The following ZNF516 variants were observed in gnomAD, a reference collection of about 807,000 sequenced individuals.
ZNF516 encodes the protein zinc finger protein 516.
ZNF516 carries 19 observed loss-of-function variants against 79.7 expected under a neutral mutation model. That is an observed-to-expected ratio of 0.24 (90% CI 0.17 to 0.35). The LOEUF (loss-of-function observed/expected upper bound fraction) is 0.35, where lower values mean the gene tolerates loss of function less well. ZNF516 is among the 10% of genes least tolerant of loss of function. ZNF516 has a pLI of 1.00. For missense variants in ZNF516, 1,678 were observed against 1,679.5 expected (o/e 1.00, Z 0.02); for synonymous variants, 877 against 739.5 (o/e 1.19, Z -3.02).
intron 2 of ZNF516, among the ~76,000 whole-genome samples, chr18:76,460,690 T>A (rs1230927519): frequency 1.3e-5 from 2 of 152,100 alleles, no homozygotes; most frequent in Non-Finnish European, 2.9e-5. Context: ...CTGCTTCTGT[T>A]CAGGGCTAGA....
chr18:76,479,295 C>T (rs751681183), intron 1 of ZNF516, among the ~76,000 whole-genome samples: 2 of 152,226 alleles, frequency 1.3e-5, no homozygotes, highest in Non-Finnish European at 1.5e-5. Flanking sequence ...TCCCTGTGAA[C>T]ACGGGCCACA....
rs775042032 is a variant in ZNF516 at position 76,380,146 on chromosome 18, A to C, written c.1968T>G (p.Ser656Arg). The change falls in exon 4 of 7, where the codon AGT (serine) becomes AGG (arginine). Residue 656 changes from serine to arginine, a missense_variant. Transcript: ENST00000443185. ...IAASVSILEN[S>R]SRETSRRQEQ... ...CTTGCCTTCTAGAAGTCTCTCTGCT[A>C]CTGTTTTCAAGTATGGACACAGAAG... 3.1e-5 allele frequency: 50 copies of C among 1,613,746 alleles called. No individual in the cohort carries two copies. Among genetic ancestry groups the C allele is most frequent in the Non-Finnish European group, 4.1e-5 (48 of 1,179,840 alleles).
Position 76,379,912 on chromosome 18 carries a change from A to G in ZNF516, c.2202T>C (p.Asp734=). The G allele has an allele frequency of 6.2e-7, 1 of 1,613,886 alleles. No homozygotes were observed. The highest frequency in any genetic ancestry group is 8.5e-7 in the Non-Finnish European group (1 of 1,179,872). Reference sequence around the variant, plus strand: ...CATCCCGCGTCGACCTCGCACTTAAATCTAGCGGCATGAGGTCTGGGGCCA... The same window carrying G: ...CATCCCGCGTCGACCTCGCACTTAAGTCTAGCGGCATGAGGTCTGGGGCCA... ...RALAPDLMPL[D]LSARSTRDDP... is the part of the protein sequence containing the mutation. Residue 734 remains aspartate (D), a synonymous_variant, in exon 4 of 7, where the codon GAT becomes GAC. Transcript: ENST00000443185.
intron 3 of ZNF516, among the ~76,000 whole-genome samples, chr18:76,384,782 A>C (rs76317174): frequency 0.13 from 20,180 of 151,914 alleles, 1,583 homozygotes; most frequent in Non-Finnish European, 0.19. Flanking sequence ...CTGCAAGAAA[A>C]AGCACTTCTG....
In ZNF516 at chr18:76,492,829, G is replaced by C. The variant is rs1036036418; in HGVS notation, c.-272+2315C>G. On this transcript the variant is annotated intron_variant, in intron 1 of 6. Coordinates refer to ENST00000443185, the MANE Select transcript of ZNF516 (RefSeq NM_014643.4). The stretch of plus-strand genomic sequence containing the variant: ...ACGTTCGGAGGGGGAGGCGCTCCGT[G>C]GGGGCTGCTGCGTGCCCATGTAGCC... 4 of 985,838 alleles carry C rather than the reference G, an allele frequency of 4.1e-6. No individual in the cohort carries two copies. The African/African-American group carries it at 7.0e-5, about 17-fold the overall frequency. The allele number at this position is 985,838 out of a possible 1,614,324, so 61.1% of individuals were successfully genotyped here.
chr18:76,473,657 C>T (rs556048545), intron 1 of ZNF516, among the ~76,000 whole-genome samples: 56 of 151,948 alleles, frequency 3.7e-4, no homozygotes, highest in African/African-American at 1.3e-3. Context: ...AAAAATTATC[C>T]AGGCTTGGTG....
chr18:76,485,461 A>G (rs1914773780), intron 1 of ZNF516, among the ~76,000 whole-genome samples: 2 of 152,242 alleles, frequency 1.3e-5, no homozygotes, highest in African/African-American at 4.8e-5. Flanking sequence ...TTCAGTCCAC[A>G]TATGCCTTGC....
In ZNF516 at chr18:76,360,972, T is replaced by A. The variant is rs1179477851; in HGVS notation, c.*1526A>T. 6.6e-6 allele frequency: 1 copy of A among 151,936 alleles called. No individual in the cohort carries two copies. The highest frequency in any genetic ancestry group is 1.5e-5 in the Non-Finnish European group (1 of 68,018). 9.4% of individuals were successfully genotyped at this position (151,936 alleles called of 1,614,324 possible). A position where few individuals can be genotyped will look rare whatever the true frequency, so the allele number is the denominator to read the frequency against. On this transcript the variant is annotated 3_prime_UTR_variant, in exon 7 of 7. Coordinates refer to ENST00000443185, the MANE Select transcript of ZNF516 (RefSeq NM_014643.4). ...TGCACTAGTCCATTACCGTATTAAGTAAACTGTTGCTCTCGCCAGTATTAA... is the reference window on the plus strand; with the variant it reads ...TGCACTAGTCCATTACCGTATTAAGAAAACTGTTGCTCTCGCCAGTATTAA...
chr18:76,487,907 G>A (rs565902092), intron 1 of ZNF516: 80 of 983,112 alleles, frequency 8.1e-5, no homozygotes, highest in Non-Finnish European at 9.1e-5. Flanking sequence ...GACTGAGGAT[G>A]AGAGCCCCCA....
intron 1 of ZNF516, among the ~76,000 whole-genome samples, chr18:76,468,906 A>T (rs891067283): frequency 5.9e-5 from 9 of 151,774 alleles, no homozygotes; most frequent in African/African-American, 2.2e-4. Flanking sequence ...TTTATTTATC[A>T]CTCCATTGTA....
chr18:76,493,013 CG>C lies in ZNF516; in HGVS notation c.-272+2130del. On this transcript the variant is annotated intron_variant, in intron 1 of 6. Coordinates refer to ENST00000443185, the MANE Select transcript of ZNF516 (RefSeq NM_014643.4). The surrounding 1 kb of genome is among the most constrained non-coding windows in gnomAD (Gnocchi z 5.2). ...TCACACACACACCCCAAATTACCTC[CG>C]GGATGGAGAAAGCCGCTGCGGATTG... The C allele has an allele frequency of 1.0e-6, 1 of 985,500 alleles. No homozygotes were observed. The highest frequency in any genetic ancestry group is 1.2e-6 in the Non-Finnish European group (1 of 829,986). The allele number at this position is 985,500 out of a possible 1,614,324, so 61.0% of individuals were successfully genotyped here. A position where few individuals can be genotyped will look rare whatever the true frequency, so the allele number is the denominator to read the frequency against.
intron 5 of ZNF516, among the ~76,000 whole-genome samples, chr18:76,370,864 T>C (rs2074692401): frequency 6.6e-6 from 1 of 152,212 alleles, no homozygotes; most frequent in South Asian, 2.1e-4. Context: ...GGGACCCTCT[T>C]CTTGCATTAC....
rs1912380815 is a variant in ZNF516 at position 76,451,063 on chromosome 18, G to A, written c.-157-7852C>T. The stretch of plus-strand genomic sequence containing the variant: ...AAGCTGACTGGGAGACACCAGGGAG[G>A]AACAAAGGAGCGAGAGGAAAACTGA... On this transcript the variant is annotated intron_variant, in intron 2 of 6. Transcript: ENST00000443185. This position sits in a 1 kb window ranked among gnomAD's most constrained non-coding sequence, Gnocchi z 6.0. 6.6e-6 allele frequency among the ~76,000 whole-genome samples: 1 copy of A among 152,160 alleles called. No homozygotes were observed. Among genetic ancestry groups the A allele is most frequent in the African/African-American group, 2.4e-5 (1 of 41,432 alleles).
chr18:76,468,265 T>C (rs1044182886), intron 1 of ZNF516, among the ~76,000 whole-genome samples: 2 of 152,216 alleles, frequency 1.3e-5, no homozygotes, highest in African/African-American at 4.8e-5. Context: ...CGTGCTCTTT[T>C]AGTAAGAAAA....
intron 1 of ZNF516, chr18:76,488,330 G>A (rs1914952591): frequency 2.2e-6 from 2 of 894,958 alleles, no homozygotes; most frequent in Admixed American, 1.2e-4. Context: ...CCAATTCGCA[G>A]GCAGCCAGGA....
In ZNF516 at chr18:76,361,089, A is replaced by C. The variant is rs1174135484; in HGVS notation, c.*1409T>G. On this transcript the variant is annotated 3_prime_UTR_variant, in exon 7 of 7. Transcript: ENST00000443185. ...TTTAATCCATTTCCTGCCTTTACAA[A>C]ATTTCACAATTAAAAAAAAACCTAG... 3 of 152,094 alleles carry C rather than the reference A, an allele frequency of 2.0e-5. No individual in the cohort carries two copies. Among genetic ancestry groups the C allele is most frequent in the Admixed American group, 2.0e-4 (3 of 15,280 alleles). The allele number at this position is 152,094 out of a possible 1,614,324, so 9.4% of individuals were successfully genotyped here. A position where few individuals can be genotyped will look rare whatever the true frequency, so the allele number is the denominator to read the frequency against.
intron 3 of ZNF516, among the ~76,000 whole-genome samples, chr18:76,416,857 T>A (rs1390182984): frequency 6.6e-6 from 1 of 152,174 alleles, no homozygotes; most frequent in African/African-American, 2.4e-5. Context: ...ATTTCTCCAT[T>A]GTCCCTCCTC....
At chr18:76,439,861 T>C (rs750082142) in intron 3 of ZNF516, among the ~76,000 whole-genome samples, 1 of 152,050 alleles carries the variant, frequency 6.6e-6, no homozygotes, top group Non-Finnish European at 1.5e-5. Context: ...TCTGTATTTA[T>C]AAAAATAAAA....
chr18:76,391,848 G>A lies in ZNF516; in HGVS notation c.1811-11545C>T, dbSNP rs376531969. Among the ~76,000 whole-genome samples, 5 of 152,336 alleles carry A rather than the reference G, an allele frequency of 3.3e-5. No individual in the cohort carries two copies. The East Asian group carries it at 7.7e-4, about 23-fold the overall frequency. On this transcript the variant is annotated intron_variant, in intron 3 of 6. Coordinates refer to ENST00000443185, the MANE Select transcript of ZNF516 (RefSeq NM_014643.4). The stretch of plus-strand genomic sequence containing the variant: ...GGGATAAGGCTGTTGTCTCAGCCTC[G>A]CCCTGAAGGCCGGAGACCCCATCAG...
Sources: allele counts gnomAD v4.1 joint callset (sites outside exome capture counted in the v4.1 genomes callset), GRCh38; gene constraint gnomAD v4.1.1; non-coding constraint Gnocchi (gnomAD v3.1); transcripts MANE v1.5; gene names NCBI Gene and HGNC (gene_info 2026-07-23, HGNC 2026-07-21).